Variants in TENM2 observed in about 807,000 individuals in gnomAD.
TENM2 encodes the protein teneurin-2.
A neutral mutation model predicts 245.2 loss-of-function variants in TENM2; 52 were observed. That is an observed-to-expected ratio of 0.21 (90% confidence interval 0.17 to 0.27). TENM2 has a LOEUF of 0.27. TENM2 is among the 10% of genes least tolerant of loss of function. The pLI is 1.00. For synonymous variants in TENM2, 1,363 were observed against 1,438.9 expected (o/e 0.95, Z 1.19); for missense variants, 3,046 against 3,666.8 (o/e 0.83, Z 4.37).
In TENM2 at chr5:167,801,148, ATATATG is replaced by A. The variant is rs1378201517; in HGVS notation, c.503-74832_503-74827del. 5.8e-3 allele frequency among the ~76,000 whole-genome samples: 538 copies of A among 92,568 alleles called. 11 individuals carry two copies. The highest frequency in any genetic ancestry group is 0.013 in the African/African-American group (283 of 21,682). The allele number at this position is 92,568 out of a possible 152,430, so 60.7% of individuals were successfully genotyped here. A position where few individuals can be genotyped will look rare whatever the true frequency, so the allele number is the denominator to read the frequency against. ...TATATATATATATATATATATATATATATATGTATATATTCCCCAGGGTCAAAGTGT... is the reference window on the plus strand; with the variant it reads ...TATATATATATATATATATATATATATATATATTCCCCAGGGTCAAAGTGT... On this transcript the variant is annotated intron_variant, in intron 2 of 28. Transcript: ENST00000518659.
At chr5:167,872,339 A>AG (rs1164556462) in intron 2 of TENM2, among the ~76,000 whole-genome samples, 2 of 141,082 alleles carry the variant, frequency 1.4e-5, no homozygotes, top group African/African-American at 2.7e-5. Flanking sequence ...AGAAAGAAAG[A>AG]AAGAAAGAAA....
chr5:167,752,119 G>T (rs1761996392), intron 2 of TENM2, among the ~76,000 whole-genome samples: 1 of 151,828 alleles, frequency 6.6e-6, no homozygotes, highest in Non-Finnish European at 1.5e-5. Context: ...TTTCCAGATG[G>T]AGTCTCACTC....
At chr5:167,672,989 C>G (rs1046225240) in intron 2 of TENM2, among the ~76,000 whole-genome samples, 2 of 151,412 alleles carry the variant, frequency 1.3e-5, no homozygotes, top group Non-Finnish European at 2.9e-5. Context: ...TCTGGAGATA[C>G]CAGCCCAACC....
intron 2 of TENM2, among the ~76,000 whole-genome samples, chr5:167,587,810 T>C (rs551728900): frequency 2.0e-5 from 3 of 152,124 alleles, no homozygotes; most frequent in Non-Finnish European, 4.4e-5. Flanking sequence ...TTTCCCACAG[T>C]GATGCAGTGA....
the TENM2 span, among the ~76,000 whole-genome samples, chr5:167,254,286 C>G: frequency 6.6e-6 from 1 of 152,060 alleles, no homozygotes; most frequent in East Asian, 1.9e-4. Flanking sequence ...TAGGGGTTGC[C>G]TCATTCAAAG....
chr5:167,599,616 T>G (rs1031267065), intron 2 of TENM2, among the ~76,000 whole-genome samples: 2 of 152,186 alleles, frequency 1.3e-5, no homozygotes, highest in Non-Finnish European at 2.9e-5. Flanking sequence ...CTTACCATGT[T>G]GCTCATAATC....
At chr5:168,105,589 T>C (rs1794177685) in intron 9 of TENM2, among the ~76,000 whole-genome samples, 1 of 152,168 alleles carries the variant, frequency 6.6e-6, no homozygotes, top group African/African-American at 2.4e-5. Context: ...TCAATGAACA[T>C]AGCCAATTAG....
At chr5:168,107,787 C>T (rs1794372329) in intron 9 of TENM2, among the ~76,000 whole-genome samples, 2 of 152,200 alleles carry the variant, frequency 1.3e-5, no homozygotes, top group South Asian at 4.1e-4. Flanking sequence ...TCTCATCAAT[C>T]CCAGCCTTTC....
chr5:167,160,826 CAG>C, the TENM2 span, among the ~76,000 whole-genome samples: 1 of 152,218 alleles, frequency 6.6e-6, no homozygotes, highest in Non-Finnish European at 1.5e-5. Flanking sequence ...CCAGCTAACA[CAG>C]AACCTAGAAC....
intron 2 of TENM2, among the ~76,000 whole-genome samples, chr5:167,391,397 G>A (rs898056140): frequency 3.9e-5 from 6 of 151,914 alleles, no homozygotes; most frequent in African/African-American, 1.2e-4. Flanking sequence ...AGGCTGAGGC[G>A]AGCAGATCAC....
At chr5:167,073,794 C>A in the TENM2 span, among the ~76,000 whole-genome samples, 13 of 152,172 alleles carry the variant, frequency 8.5e-5, no homozygotes, top group Non-Finnish European at 1.9e-4. Context: ...CCCTCTTGAT[C>A]TGTTAAATGT....
At chr5:167,389,772 G>A (rs1445182783) in intron 2 of TENM2, among the ~76,000 whole-genome samples, 1 of 152,056 alleles carries the variant, frequency 6.6e-6, no homozygotes, top group Admixed American at 6.6e-5. Flanking sequence ...AAAATCAACA[G>A]GCACACGGAA....
chr5:167,846,163 A>G (rs899907458), intron 2 of TENM2, among the ~76,000 whole-genome samples: 1 of 152,162 alleles, frequency 6.6e-6, no homozygotes, highest in Non-Finnish European at 1.5e-5. Flanking sequence ...ACCTATTTAC[A>G]TGTCTATCTC....
the TENM2 span, among the ~76,000 whole-genome samples, chr5:167,233,060 A>G: frequency 6.6e-6 from 1 of 152,218 alleles, no homozygotes; most frequent in Non-Finnish European, 1.5e-5. Context: ...GTCAGGTAGC[A>G]TATGCTAAGT....
At chr5:167,666,948 T>TGA (rs1755617953) in intron 2 of TENM2, among the ~76,000 whole-genome samples, 2 of 152,188 alleles carry the variant, frequency 1.3e-5, no homozygotes, top group African/African-American at 2.4e-5. Context: ...GTTTCTGGGA[T>TGA]ATGGCACTTC....
At chr5:168,079,048 C>A (rs1169234683) in intron 7 of TENM2, among the ~76,000 whole-genome samples, 2 of 152,190 alleles carry the variant, frequency 1.3e-5, no homozygotes, top group African/African-American at 4.8e-5. Context: ...AATATTGATT[C>A]TTCCTATCCA....
the TENM2 span, among the ~76,000 whole-genome samples, chr5:167,060,324 G>A: frequency 2.0e-5 from 3 of 151,908 alleles, no homozygotes; most frequent in African/African-American, 7.3e-5. Context: ...TATGAGCCAC[G>A]AATATATTTT....
chr5:167,537,034 G>A (rs1049090306), intron 2 of TENM2, among the ~76,000 whole-genome samples: 1 of 151,854 alleles, frequency 6.6e-6, no homozygotes, highest in African/African-American at 2.4e-5. Context: ...CAAAAAAAAA[G>A]ATTAGACGTC....
chr5:168,151,231 C>T (rs1756630357), intron 12 of TENM2, among the ~76,000 whole-genome samples: 1 of 152,186 alleles, frequency 6.6e-6, no homozygotes, highest in Non-Finnish European at 1.5e-5. Context: ...GCATTATGTG[C>T]AGATCTTACT....
Sources: allele counts gnomAD v4.1 joint callset (sites outside exome capture counted in the v4.1 genomes callset), GRCh38; gene constraint gnomAD v4.1.1; transcripts MANE v1.5; gene names NCBI Gene and HGNC (gene_info 2026-07-23, HGNC 2026-07-21).